Variants in TMEM164 observed in about 807,000 individuals in gnomAD.
TMEM164 encodes the protein transmembrane protein 164.
A neutral mutation model predicts 18.8 loss-of-function variants in TMEM164; 4 were observed. The ratio of observed to expected loss-of-function variants is 0.21; its 90% CI spans 0.10 to 0.49. The LOEUF is 0.49. Among genes scored for constraint, TMEM164 ranks in the 20% least tolerant of loss-of-function variants. The pLI, the probability that TMEM164 is intolerant of heterozygous loss-of-function variation, is 0.98. For synonymous variants in TMEM164, 86 were observed against 101.7 expected, an observed-to-expected ratio of 0.85 and a Z score of 0.93; for missense variants, 108 against 239.9, an observed-to-expected ratio of 0.45 and a Z score of 3.63.
At chrX:110,123,174 A>G (rs1026420252) in intron 4 of TMEM164, among the ~76,000 whole-genome samples, 1 of 112,065 alleles carries the variant, frequency 8.9e-6, no homozygotes, top group African/African-American at 3.2e-5. Context: ...AGACTCTTCT[A>G]TCCATCCCCA....
At chrX:110,020,257 A>G (rs1174867490) in intron 2 of TMEM164, 1 of 458,489 alleles carries the variant, frequency 2.2e-6, no homozygotes, top group Non-Finnish European at 2.7e-6. Flanking sequence ...TTTTTTAAAA[A>G]TTAAGTCTAG....
chrX:110,087,645 G>A (rs1052406346), intron 3 of TMEM164, among the ~76,000 whole-genome samples: 19 of 110,656 alleles, frequency 1.7e-4, no homozygotes, highest in Non-Finnish European at 3.2e-4. Context: ...GGTTTAAATG[G>A]CAGGAAACTC....
At chrX:110,163,863 G>T (rs1365510417) in intron 5 of TMEM164, among the ~76,000 whole-genome samples, 2 of 111,931 alleles carry the variant, frequency 1.8e-5, no homozygotes, top group African/African-American at 6.5e-5. Context: ...GGGAGTGAAG[G>T]AAGACCATAC....
chrX:110,169,009 G>A (rs1362136028), intron 5 of TMEM164, among the ~76,000 whole-genome samples: 2 of 112,361 alleles, frequency 1.8e-5, no homozygotes, highest in Admixed American at 9.4e-5. Flanking sequence ...GTAGAACCGA[G>A]TTCAAGAGAT....
intron 3 of TMEM164, among the ~76,000 whole-genome samples, chrX:110,086,628 GTATATATGTGTATATATA>G (rs1186702986): frequency 5.0e-5 from 1 of 20,007 alleles, no homozygotes; most frequent in Non-Finnish European, 9.7e-5. Context: ...GTGTATATAT[GTATATATGTGTATATATA>G]TGTATATATA....
At chrX:110,084,467 T>C (rs946474492) in intron 3 of TMEM164, among the ~76,000 whole-genome samples, 4 of 56,425 alleles carry the variant, frequency 7.1e-5, no homozygotes, top group Non-Finnish European at 1.6e-4. Context: ...TAGTATAGTA[T>C]ATATATATAT....
rs182358435 is a variant in TMEM164, at chrX:110,176,705, A to C, written c.*3254A>C. Reference sequence around the variant, plus strand: ...CTGTGCACTGGTATTGGGGCAGGGCAGTGCCCTGGGGGTAAGCTAGGTGGC... The same window carrying C: ...CTGTGCACTGGTATTGGGGCAGGGCCGTGCCCTGGGGGTAAGCTAGGTGGC... On this transcript the variant is annotated 3_prime_UTR_variant, in exon 7 of 7. Transcript: ENST00000372068. The C allele has an allele frequency of 2.7e-3, 299 of 111,338 alleles. 1 individual carries two copies. The highest frequency in any genetic ancestry group is 0.014 in the Middle Eastern group (3 of 214). The allele number at this position is 111,338 out of a possible 1,213,427, so 9.2% of individuals were successfully genotyped here.
intron 5 of TMEM164, among the ~76,000 whole-genome samples, chrX:110,152,389 G>A (rs1340389459): frequency 9.0e-6 from 1 of 110,547 alleles, no homozygotes; most frequent in Non-Finnish European, 1.9e-5. Context: ...ATCTTTTATG[G>A]CATCTGAATT....
chrX:110,011,348 G>A (rs1258575991), intron 2 of TMEM164, among the ~76,000 whole-genome samples: 1 of 111,434 alleles, frequency 9.0e-6, no homozygotes, highest in Non-Finnish European at 1.9e-5. Flanking sequence ...ATGCAATTAA[G>A]GAAAGCTTCC....
intron 5 of TMEM164, among the ~76,000 whole-genome samples, chrX:110,171,047 A>G (rs1016530368): frequency 4.4e-5 from 5 of 112,567 alleles, no homozygotes; most frequent in African/African-American, 1.6e-4. Context: ...TGAAGGGTAT[A>G]CAATTATGTG....
At chrX:110,050,672 A>G (rs968478654) in intron 2 of TMEM164, among the ~76,000 whole-genome samples, 14 of 111,836 alleles carry the variant, frequency 1.3e-4, no homozygotes, top group African/African-American at 4.6e-4. Context: ...ATCCAAGCAC[A>G]TGAGGAATTC....
Position 110,176,221 on chromosome X carries a change from G to A in TMEM164, c.*2770G>A, listed in dbSNP as rs1205782046. 3 of 755,185 alleles carry A rather than the reference G, an allele frequency of 4.0e-6. No homozygotes were observed. Among genetic ancestry groups the A allele is most frequent in the Non-Finnish European group, 4.7e-6 (3 of 639,415 alleles). 62.2% of individuals were successfully genotyped at this position (755,185 alleles called of 1,213,427 possible). On this transcript the variant is annotated 3_prime_UTR_variant, in exon 7 of 7. Coordinates refer to ENST00000372068, the MANE Select transcript of TMEM164 (RefSeq NM_032227.4). ...TAGGTAGCCTTGGCCAGGGATGTGGGCCAAGAACAGTCTGTGGAGCTGGCC... is the reference window on the plus strand; with the variant it reads ...TAGGTAGCCTTGGCCAGGGATGTGGACCAAGAACAGTCTGTGGAGCTGGCC...
At chrX:110,047,490 G>T (rs1458387214) in intron 2 of TMEM164, among the ~76,000 whole-genome samples, 1 of 111,773 alleles carries the variant, frequency 8.9e-6, no homozygotes, top group Non-Finnish European at 1.9e-5. Flanking sequence ...CAACATATTT[G>T]GGGTTTTGTG....
chrX:110,133,165 T>G (rs760889854), intron 4 of TMEM164, among the ~76,000 whole-genome samples: 6 of 111,226 alleles, frequency 5.4e-5, no homozygotes, highest in Non-Finnish European at 9.4e-5. Context: ...TGTTTTTTTC[T>G]TTTTAGTTGG....
chrX:110,039,501 C>G (rs1210891670), intron 2 of TMEM164, among the ~76,000 whole-genome samples: 2 of 112,625 alleles, frequency 1.8e-5, no homozygotes, highest in African/African-American at 6.5e-5. Flanking sequence ...GGTTTCTGTC[C>G]TGTCTGAAGG....
chrX:110,105,754 A>AAT (rs2066189962), intron 3 of TMEM164, among the ~76,000 whole-genome samples: 2 of 25,510 alleles, frequency 7.8e-5, no homozygotes, highest in Non-Finnish European at 1.6e-4. Flanking sequence ...AGAGAATGAG[A>AAT]GAGAGAGAGA....
At chrX:110,116,388 A>G (rs1199581208) in intron 4 of TMEM164, among the ~76,000 whole-genome samples, 1 of 111,876 alleles carries the variant, frequency 8.9e-6, no homozygotes, top group Non-Finnish European at 1.9e-5. Context: ...AGTGGTCTGG[A>G]AAGGCTTCAT....
chrX:110,041,912 T>A (rs528149082), intron 2 of TMEM164, among the ~76,000 whole-genome samples: 91 of 111,743 alleles, frequency 8.1e-4, no homozygotes, highest in African/African-American at 2.8e-3. Context: ...TTGTGGGATT[T>A]TTTAAGAGCA....
At chrX:110,031,129 C>A (rs1452026677) in intron 2 of TMEM164, among the ~76,000 whole-genome samples, 2 of 111,383 alleles carry the variant, frequency 1.8e-5, no homozygotes, top group Admixed American at 9.5e-5. Flanking sequence ...TTGTTTGACT[C>A]CCACTTATGA....
Sources: gnomAD v4.1 joint callset for allele counts (sites outside exome capture counted in the v4.1 genomes callset) on GRCh38, gnomAD v4.1.1 for gene constraint, MANE v1.5 for transcripts, NCBI Gene and HGNC (gene_info 2026-07-23, HGNC 2026-07-21) for gene names.